The following FOXK2 variants were observed in gnomAD, a reference collection of about 807,000 sequenced individuals.
FOXK2 encodes the protein forkhead box protein K2.
FOXK2 carries 24 observed loss-of-function variants against 53.3 expected under a neutral mutation model. The ratio of observed to expected loss-of-function variants is 0.45; its 90% confidence interval spans 0.33 to 0.63. FOXK2 has a LOEUF of 0.63. FOXK2 is among the 30% of genes least tolerant of loss of function. The pLI, the probability that FOXK2 is intolerant of heterozygous loss-of-function variation, is 0.03. For synonymous variants in FOXK2, 505 were observed against 407.1 expected, an observed-to-expected ratio of 1.24 and a Z score of -2.89; for missense variants, 952 against 910.5, an observed-to-expected ratio of 1.05 and a Z score of -0.59.
intron 4 of FOXK2, among the ~76,000 whole-genome samples, chr17:82,573,426 C>A (rs1343448311): frequency 2.0e-5 from 3 of 151,978 alleles, no homozygotes; most frequent in African/African-American, 7.3e-5. Flanking sequence ...GAGAGTAGTT[C>A]CATATTCAGT....
intron 4 of FOXK2, chr17:82,576,724 C>G: frequency 2.2e-6 from 2 of 898,070 alleles, no homozygotes; most frequent in African/African-American, 1.7e-5. Context: ...GCTCTGTAGT[C>G]CAAAACCGTG....
intron 4 of FOXK2, among the ~76,000 whole-genome samples, chr17:82,573,552 TCTCTCTCTCTCACACACA>T (rs774545756): frequency 2.0e-4 from 21 of 107,424 alleles, no homozygotes; most frequent in East Asian, 5.0e-4. Context: ...TCTCTCTCTC[TCTCTCTCTCTCACACACA>T]CACACACACA....
chr17:82,586,921 C>A (rs1368529795), intron 7 of FOXK2, 142 bp from the exon 8 acceptor site: 6 of 779,890 alleles, frequency 7.7e-6, no homozygotes, highest in African/African-American at 1.7e-5. Context: ...AAAAGATTTG[C>A]TCATCTTTTT....
rs1354784578 is a variant in FOXK2, at chr17:82,587,043, T to A, written c.1577-20T>A. 6.2e-7 allele frequency: 1 copy of A among 1,603,284 alleles called. No individual in the cohort carries two copies. The highest frequency in any genetic ancestry group is 8.5e-7 in the Non-Finnish European group (1 of 1,172,404). The stretch of plus-strand genomic sequence containing the variant: ...TGCTTTCCAGTAATATTAATGTCGT[T>A]TCTTTTCCTTTAATTTCAGTGAAAG... On this transcript the variant is annotated intron_variant, in intron 7 of 8. Transcript: ENST00000335255.
intron 1 of FOXK2, among the ~76,000 whole-genome samples, chr17:82,554,683 A>C (rs950431980): frequency 2.0e-5 from 3 of 151,572 alleles, no homozygotes; most frequent in South Asian, 4.2e-4. Flanking sequence ...CAGGCTTGTA[A>C]ACAGATTCCT....
intron 8 of FOXK2, among the ~76,000 whole-genome samples, chr17:82,595,154 G>A (rs2045296946): frequency 6.6e-6 from 1 of 152,224 alleles, no homozygotes; most frequent in Non-Finnish European, 1.5e-5. Flanking sequence ...GCAGGGTTTG[G>A]TGTGCCGTGG....
Position 82,582,937 on chromosome 17 carries a change from A to G in FOXK2, c.1103+3A>G. 2 of 1,534,310 alleles carry G rather than the reference A, an allele frequency of 1.3e-6. No individual in the cohort carries two copies. The highest frequency in any genetic ancestry group is 1.7e-6 in the Non-Finnish European group (2 of 1,146,000). The stretch of plus-strand genomic sequence containing the variant: ...CCTCTGGGACCGCTCTCTTCTAGGT[A>G]AGGAAAAAGAAGAACAAAAGGCCTC... On this transcript the variant is annotated splice_donor_region_variant and intron_variant, in intron 5 of 8. Transcript: ENST00000335255.
At chr17:82,560,592 G>A (rs140730883) in intron 1 of FOXK2, among the ~76,000 whole-genome samples, 101 of 152,286 alleles carry the variant, frequency 6.6e-4, no homozygotes, top group African/African-American at 2.0e-3. Flanking sequence ...CATTGGTTTC[G>A]ATACCAGTGG....
At chr17:82,572,811 A>G (rs566876643) in intron 4 of FOXK2, among the ~76,000 whole-genome samples, 10 of 152,292 alleles carry the variant, frequency 6.6e-5, no homozygotes, top group South Asian at 2.1e-4. Context: ...AGTGGTAAGG[A>G]TGGTGCAGGG....
intron 8 of FOXK2, chr17:82,598,957 G>A (rs115979407): frequency 0.021 from 3,127 of 152,414 alleles, 53 homozygotes; most frequent in Non-Finnish European, 0.034. Context: ...GCTCCTCCGG[G>A]TCACGTGGGT....
intron 1 of FOXK2, among the ~76,000 whole-genome samples, chr17:82,549,579 C>G (rs1417576933): frequency 6.6e-6 from 1 of 151,694 alleles, no homozygotes; most frequent in Admixed American, 6.6e-5. Flanking sequence ...GGGGGCAAAA[C>G]CCCCCAAATT....
Position 82,586,887 on chromosome 17 carries a change from G to A in FOXK2, c.1577-176G>A, listed in dbSNP as rs117192962. Among the ~76,000 whole-genome samples the A allele has an allele frequency of 5.9e-3, 891 of 152,082 alleles. 4 individuals are homozygous for A. Among genetic ancestry groups the A allele is most frequent in the Non-Finnish European group, 9.5e-3 (649 of 67,988 alleles). On this transcript the variant is annotated intron_variant, in intron 7 of 8. Transcript: ENST00000335255. ...TTGGACTCCAGCTTGGGTAACGAGC[G>A]AAACTCCATCTCAAAAAACAAAAAA...
chr17:82,562,567 C>T (rs1364681807), intron 1 of FOXK2, among the ~76,000 whole-genome samples: 2 of 148,558 alleles, frequency 1.3e-5, no homozygotes, highest in Non-Finnish European at 3.0e-5. Context: ...GCGACAAGAA[C>T]GAAACTCTGT....
At chr17:82,595,593 G>A (rs962681645) in intron 8 of FOXK2, among the ~76,000 whole-genome samples, 19 of 152,242 alleles carry the variant, frequency 1.2e-4, no homozygotes, top group South Asian at 2.1e-4. Context: ...GTGAGCCACC[G>A]CGCCCAGCCT....
At chr17:82,556,561 TGGGG>T (rs1333471787) in intron 1 of FOXK2, among the ~76,000 whole-genome samples, 2 of 86,130 alleles carry the variant, frequency 2.3e-5, no homozygotes, top group Non-Finnish European at 5.5e-5. Context: ...CTCACCTTGC[TGGGG>T]CTGGGGCTGG....
chr17:82,580,834 C>A (rs1449088597), intron 4 of FOXK2, among the ~76,000 whole-genome samples: 3 of 64,182 alleles, frequency 4.7e-5, no homozygotes, highest in African/African-American at 2.0e-4. Flanking sequence ...CAGATCCCTC[C>A]CACACATGGC....
intron 1 of FOXK2, among the ~76,000 whole-genome samples, chr17:82,551,017 TAGA>T (rs1445173589): frequency 6.6e-6 from 1 of 152,106 alleles, no homozygotes; most frequent in African/African-American, 2.4e-5. Context: ...AGGCTTAGGT[TAGA>T]AGATTTGTGC....
chr17:82,554,826 C>A (rs2044708108), intron 1 of FOXK2, among the ~76,000 whole-genome samples: 1 of 151,450 alleles, frequency 6.6e-6, no homozygotes, highest in Admixed American at 6.6e-5. Flanking sequence ...CTCACTGCAA[C>A]CTCCGCCTCC....
intron 1 of FOXK2, among the ~76,000 whole-genome samples, chr17:82,522,183 TATG>T (rs1251185955): frequency 6.6e-6 from 1 of 151,638 alleles, no homozygotes; most frequent in Non-Finnish European, 1.5e-5. Context: ...AGTGTACTGG[TATG>T]ATGACAGCTC....
Sources: gnomAD v4.1 joint callset for allele counts (sites outside exome capture counted in the v4.1 genomes callset) on GRCh38, gnomAD v4.1.1 for gene constraint, MANE v1.5 for transcripts, NCBI Gene and HGNC (gene_info 2026-07-23, HGNC 2026-07-21) for gene names.